The following PCDHGA3 variants were observed in gnomAD, a reference collection of about 807,000 sequenced individuals.
PCDHGA3 encodes protocadherin gamma subfamily A, 3.
A neutral mutation model predicts 58.5 loss-of-function variants in PCDHGA3; 40 were observed. The ratio of observed to expected loss-of-function variants is 0.68; its 90% CI spans 0.53 to 0.89. The LOEUF is 0.89. Among genes scored for constraint, PCDHGA3 ranks in the 40% least tolerant of loss-of-function variants. The pLI is 0.00. For synonymous variants in PCDHGA3, 530 were observed against 525.7 expected, an observed-to-expected ratio of 1.01 and a Z score of -0.11; for missense variants, 1,223 against 1,195.9, an observed-to-expected ratio of 1.02 and a Z score of -0.33.
In PCDHGA3 at chr5:141,489,681, A is replaced by T; in HGVS notation, c.2425-5126A>T. ...AGATGCGCATCTCAGAATCAGCAGC[A>T]TCTGGGGCACGATTCCCACTGGACA... On this transcript the variant is annotated intron_variant, in intron 1 of 3. Transcript: ENST00000253812. This position sits in a 1 kb window ranked among gnomAD's most constrained non-coding sequence, Gnocchi z 4.5. 1 of 1,614,174 alleles carries T rather than the reference A, an allele frequency of 6.2e-7. No individual in the cohort carries two copies. The highest frequency in any genetic ancestry group is 8.5e-7 in the Non-Finnish European group (1 of 1,180,010).
intron 1 of PCDHGA3, chr5:141,360,173 G>T: frequency 6.2e-7 from 1 of 1,609,062 alleles, no homozygotes; most frequent in East Asian, 2.2e-5. Context: ...CTGGTGCGGT[G>T]GCTGCAGGTA....
chr5:141,364,546 G>C (rs149041036), intron 1 of PCDHGA3: 36,067 of 1,614,110 alleles, frequency 0.022, 502 homozygotes, highest in Non-Finnish European at 0.025. Flanking sequence ...GAGGTAGGAC[G>C]CAGCTTTTTG....
At chr5:141,370,392 G>C (rs773955179) in intron 1 of PCDHGA3, 2 of 1,544,790 alleles carry the variant, frequency 1.3e-6, no homozygotes, top group Non-Finnish European at 1.7e-6. Flanking sequence ...CGCAGAGAGC[G>C]GGATGGGAAA....
intron 1 of PCDHGA3, chr5:141,361,554 A>G (rs199916536): frequency 2.8e-5 from 45 of 1,613,944 alleles, no homozygotes; most frequent in East Asian, 8.9e-5. Context: ...CTATCGCTCA[A>G]ATCAGTGCCT....
intron 1 of PCDHGA3, among the ~76,000 whole-genome samples, chr5:141,480,513 C>T (rs1376669385): frequency 7.9e-6 from 1 of 127,246 alleles, no homozygotes. Context: ...ATGAGAACAA[C>T]CAAAAATGAC....
At chr5:141,435,941 A>G (rs1354198135) in intron 1 of PCDHGA3, among the ~76,000 whole-genome samples, 1 of 152,170 alleles carries the variant, frequency 6.6e-6, no homozygotes, top group Non-Finnish European at 1.5e-5. Flanking sequence ...TGCTTCTGAG[A>G]CCAAAAAAGG....
intron 1 of PCDHGA3, chr5:141,376,132 A>T: frequency 6.2e-7 from 1 of 1,613,498 alleles, no homozygotes; most frequent in Non-Finnish European, 8.5e-7. Context: ...CCTCCGCCAA[A>T]CCCAACGATT....
chr5:141,432,281 A>C lies in PCDHGA3; in HGVS notation c.2425-62526A>C, dbSNP rs1313887209. 1 of 1,614,188 alleles carries C rather than the reference A, an allele frequency of 6.2e-7. No individual in the cohort carries two copies. The highest frequency in any genetic ancestry group is 1.1e-5 in the South Asian group (1 of 91,084). On this transcript the variant is annotated intron_variant, in intron 1 of 3. Coordinates refer to ENST00000253812, the MANE Select transcript of PCDHGA3 (RefSeq NM_018916.4). The surrounding 1 kb of genome is among the most constrained non-coding windows in gnomAD (Gnocchi z 6.0). The stretch of plus-strand genomic sequence containing the variant: ...AAGCCTATCGTCCTACGTGTCCATC[A>C]ACTCCGACACTGGGGTACTGTATGC...
At chr5:141,347,245 G>T (rs541752483) in intron 1 of PCDHGA3, among the ~76,000 whole-genome samples, 43 of 150,724 alleles carry the variant, frequency 2.9e-4, no homozygotes, top group African/African-American at 9.3e-4. Flanking sequence ...CCTTGACCTC[G>T]CAGACTCAAG....
rs558467940 is a variant in PCDHGA3, at chr5:141,373,761, G to C, written c.2424+27304G>C. Among the ~76,000 whole-genome samples the C allele has an allele frequency of 9.2e-5, 14 of 152,338 alleles. No individual in the cohort carries two copies. The East Asian group carries it at 2.5e-3, about 27-fold the overall frequency. ...ATTATCTTGGGGAGGGAAATATTAT[G>C]AGTGTCATCTCTGCAGATTTAGCAG... On this transcript the variant is annotated intron_variant, in intron 1 of 3. Transcript: ENST00000253812.
intron 1 of PCDHGA3, among the ~76,000 whole-genome samples, chr5:141,470,600 G>A (rs890975756): frequency 4.6e-5 from 7 of 152,142 alleles, no homozygotes; most frequent in South Asian, 2.1e-4. Context: ...CGACCTGTGC[G>A]GGGACACAGG....
At chr5:141,450,006 CTTT>C (rs1554136305) in intron 1 of PCDHGA3, among the ~76,000 whole-genome samples, 9 of 132,974 alleles carry the variant, frequency 6.8e-5, no homozygotes, top group Admixed American at 7.8e-5. Context: ...TGCCATGTCT[CTTT>C]TTTTTTTTTT....
chr5:141,506,061 G>A (rs1260513343), intron 3 of PCDHGA3, among the ~76,000 whole-genome samples: 2 of 152,144 alleles, frequency 1.3e-5, no homozygotes, highest in Non-Finnish European at 2.9e-5. Flanking sequence ...GGTTGACTAA[G>A]GGCTTCCTTT....
chr5:141,499,635 A>C (rs578081078), intron 2 of PCDHGA3, among the ~76,000 whole-genome samples: 16 of 152,136 alleles, frequency 1.1e-4, no homozygotes, highest in African/African-American at 3.6e-4. Context: ...CTTTTGAAGC[A>C]AATCTCAGAC....
At chr5:141,414,692 C>T (rs2095777962) in intron 1 of PCDHGA3, 1 of 1,613,918 alleles carries the variant, frequency 6.2e-7, no homozygotes, top group African/African-American at 1.3e-5. Flanking sequence ...GTACCTCTGT[C>T]CTCATACATA....
chr5:141,421,425 C>T, intron 1 of PCDHGA3: 1 of 1,614,100 alleles, frequency 6.2e-7, no homozygotes, highest in Non-Finnish European at 8.5e-7. Context: ...GCGGAGTCCG[C>T]ATCGTCTCCA....
chr5:141,472,838 T>C (rs1457889821), intron 1 of PCDHGA3, among the ~76,000 whole-genome samples: 1 of 151,464 alleles, frequency 6.6e-6, no homozygotes, highest in Non-Finnish European at 1.5e-5. Context: ...AATAGAAAAT[T>C]AGCTGGGCAT....
intron 1 of PCDHGA3, chr5:141,371,023 T>A: frequency 6.2e-7 from 1 of 1,614,008 alleles, no homozygotes. Flanking sequence ...CATCACCACC[T>A]GGTCCTCACA....
intron 1 of PCDHGA3, among the ~76,000 whole-genome samples, chr5:141,464,913 A>T (rs1035542028): frequency 1.3e-4 from 19 of 151,426 alleles, no homozygotes; most frequent in Admixed American, 1.2e-3. Context: ...TAATTTTTTT[A>T]TTTTTTTGTA....
Sources: allele counts gnomAD v4.1 joint callset (sites outside exome capture counted in the v4.1 genomes callset), GRCh38; gene constraint gnomAD v4.1.1; non-coding constraint Gnocchi (gnomAD v3.1); transcripts MANE v1.5; gene names NCBI Gene and HGNC (gene_info 2026-07-23, HGNC 2026-07-21).